The following SASS6 variants were observed in gnomAD, a reference collection of about 807,000 sequenced individuals.
The protein encoded by SASS6 is spindle assembly abnormal protein 6 homolog.
Under a neutral mutation model 94.9 loss-of-function variants are expected in SASS6, and 59 were observed. The observed-to-expected ratio is 0.62, with a 90% CI of 0.50 to 0.77. SASS6 has a LOEUF of 0.77. Among genes scored for constraint, SASS6 ranks in the 30% least tolerant of loss-of-function variants. The probability of loss-of-function intolerance (pLI) is 0.00; values close to 1 mark genes in which losing one functional copy is unlikely to be tolerated. For synonymous variants in SASS6, 264 were observed against 270.0 expected (o/e 0.98, Z 0.22); for missense variants, 698 against 734.1 (o/e 0.95, Z 0.57).
At chr1:100,091,631 A>G (rs1327649672) in intron 14 of SASS6, among the ~76,000 whole-genome samples, 36 of 107,618 alleles carry the variant, frequency 3.3e-4, no homozygotes, top group Middle Eastern at 4.5e-3. Flanking sequence ...AAGTCTCATT[A>G]AAAAAAAAAA....
At position 100,107,083 on chromosome 1, in the gene SASS6, T is replaced by A. The variant is rs553287378; in HGVS notation, c.1327-90A>T. 1.9e-5 allele frequency: 12 copies of A among 636,562 alleles called. No individual in the cohort carries two copies. In the African/African-American group the frequency reaches 2.2e-4, roughly 12 times the overall value. The allele number at this position is 636,562 out of a possible 1,614,324, so 39.4% of individuals were successfully genotyped here. On this transcript the variant is annotated intron_variant, in intron 11 of 16. Coordinates refer to ENST00000287482, the MANE Select transcript of SASS6 (RefSeq NM_194292.3). ...TATTATTATTAACTAAATAATTACA[T>A]AAATGGTTACTACTACTATTATTAA...
intron 1 of SASS6, among the ~76,000 whole-genome samples, chr1:100,130,253 TTTTTGTTGGC>T (rs1454342391): frequency 1.3e-5 from 2 of 151,860 alleles, no homozygotes; most frequent in Non-Finnish European, 2.9e-5. Flanking sequence ...TGAAAAGAGG[TTTTTGTTGGC>T]TTTTGTTGTT....
chr1:100,085,699 T>C, intron 15 of SASS6, 69 bp from the exon 16 acceptor site: 1 of 830,262 alleles, frequency 1.2e-6, no homozygotes, highest in South Asian at 1.5e-5. Flanking sequence ...ATCTCATATG[T>C]ATACATATAT....
At chr1:100,094,815 G>A (rs867499690) in intron 14 of SASS6, among the ~76,000 whole-genome samples, 2 of 148,292 alleles carry the variant, frequency 1.3e-5, no homozygotes, top group East Asian at 2.0e-4. Context: ...GCAGGGAGCC[G>A]AGATCACACT....
chr1:100,092,572 G>GT (rs1220234487), intron 14 of SASS6, among the ~76,000 whole-genome samples: 1 of 151,298 alleles, frequency 6.6e-6, no homozygotes, highest in African/African-American at 2.4e-5. Context: ...GTTTTTTTGT[G>GT]TTTTTTTGTT....
At chr1:100,117,684 C>T (rs534652749) in intron 7 of SASS6, among the ~76,000 whole-genome samples, 17 of 149,158 alleles carry the variant, frequency 1.1e-4, no homozygotes, top group African/African-American at 3.4e-4. Context: ...AACAACCACA[C>T]AGAAAAAGGG....
chr1:100,105,617 G>C, intron 13 of SASS6, 150 bp downstream of exon 13: 2 of 657,590 alleles, frequency 3.0e-6, no homozygotes, highest in Non-Finnish European at 5.1e-6. Context: ...CCACTTCCAG[G>C]GGCAACTTAA....
At position 100,107,358 on chromosome 1, in the gene SASS6, T is replaced by G; in HGVS notation, c.1326+16A>C. 2 of 1,513,536 alleles carry G rather than the reference T, an allele frequency of 1.3e-6. No individual in the cohort carries two copies. Among genetic ancestry groups the G allele is most frequent in the Middle Eastern group, 1.9e-4 (1 of 5,308 alleles). The allele number at this position is 1,513,536 out of a possible 1,614,324, so 93.8% of individuals were successfully genotyped here. On this transcript the variant is annotated intron_variant, in intron 11 of 16. Coordinates refer to ENST00000287482, the MANE Select transcript of SASS6 (RefSeq NM_194292.3). ...AAAAATTTAGTTACAACATAAAAAT[T>G]TAAAATATTAACTACCTCTTGCTCT...
intron 2 of SASS6, among the ~76,000 whole-genome samples, chr1:100,125,131 G>A (rs1047823091): frequency 1.3e-5 from 2 of 151,636 alleles, no homozygotes; most frequent in African/African-American, 4.9e-5. Context: ...TCTTCAAAAC[G>A]TAAAGTAAAA....
chr1:100,118,035 C>T (rs939907043), intron 7 of SASS6, among the ~76,000 whole-genome samples: 4 of 151,870 alleles, frequency 2.6e-5, no homozygotes, highest in Non-Finnish European at 4.4e-5. Context: ...GAATTAAGAA[C>T]GTGGCAGGGC....
At chr1:100,116,677 A>AAT (rs1653822061) in intron 7 of SASS6, among the ~76,000 whole-genome samples, 1 of 152,236 alleles carries the variant, frequency 6.6e-6, no homozygotes, top group Non-Finnish European at 1.5e-5. Context: ...TTCATATAAC[A>AAT]ATAAAAGGAA....
chr1:100,103,648 A>C (rs899873852), intron 13 of SASS6, among the ~76,000 whole-genome samples: 1 of 152,192 alleles, frequency 6.6e-6, no homozygotes, highest in African/African-American at 2.4e-5. Context: ...GCACACAAAA[A>C]AACACCTTTC....
chr1:100,099,457 G>A (rs1652313208), intron 14 of SASS6: 1 of 153,114 alleles, frequency 6.5e-6, no homozygotes, highest in African/African-American at 2.4e-5. Flanking sequence ...CAACTGACAA[G>A]TTCATTACTG....
At chr1:100,118,853 GATT>G (rs1460345178) in intron 7 of SASS6, among the ~76,000 whole-genome samples, 162 bp downstream of exon 7, 1 of 152,008 alleles carries the variant, frequency 6.6e-6, no homozygotes, top group East Asian at 1.9e-4. Context: ...AATGTTTATA[GATT>G]ATCTCTAGGT....
At chr1:100,095,817 C>A (rs1652068690) in intron 14 of SASS6, among the ~76,000 whole-genome samples, 1 of 152,132 alleles carries the variant, frequency 6.6e-6, no homozygotes, top group African/African-American at 2.4e-5. Context: ...ACAATAGCAT[C>A]TAAAAGAATA....
intron 1 of SASS6, among the ~76,000 whole-genome samples, chr1:100,131,885 C>T (rs1655064155): frequency 6.6e-6 from 1 of 152,154 alleles, no homozygotes; most frequent in South Asian, 2.1e-4. Flanking sequence ...ACCTGATCCT[C>T]ATTACAAACA....
At chr1:100,085,476 T>G (rs1651175996) in intron 16 of SASS6, 42 bp from the exon 17 acceptor site, 1 of 1,555,596 alleles carries the variant, frequency 6.4e-7, no homozygotes, top group African/African-American at 1.4e-5. Context: ...ATTCATTAAG[T>G]CTTCATACAT....
rs1027177894 is a variant in SASS6, at chr1:100,130,236, G to A, written c.65+2514C>T. ...CTATTAAAATGTGAGTTCCTTGAGG[G>A]ACAGAATGAAAAGAGGTTTTTGTTG... On this transcript the variant is annotated intron_variant, in intron 1 of 16. Coordinates refer to ENST00000287482, the MANE Select transcript of SASS6 (RefSeq NM_194292.3). Among the ~76,000 whole-genome samples the A allele has an allele frequency of 3.3e-5, 5 of 152,348 alleles. 1 individual carries two copies. The South Asian group carries it at 1.0e-3, about 32-fold the overall frequency.
intron 14 of SASS6, among the ~76,000 whole-genome samples, chr1:100,100,382 T>C (rs894071793): frequency 3.3e-5 from 5 of 152,254 alleles, no homozygotes; most frequent in African/African-American, 1.2e-4. Flanking sequence ...AGGGCATTTG[T>C]CTTGTTCACT....
Sources: allele counts gnomAD v4.1 joint callset (sites outside exome capture counted in the v4.1 genomes callset), GRCh38; gene constraint gnomAD v4.1.1; transcripts MANE v1.5; gene names NCBI Gene and HGNC (gene_info 2026-07-23, HGNC 2026-07-21).